Variants in ARID1B observed in about 807,000 individuals in gnomAD.
ARID1B encodes the protein AT-rich interactive domain-containing protein 1B.
A neutral mutation model predicts 212.3 loss-of-function variants in ARID1B; 30 were observed. The observed-to-expected ratio is 0.14, with a 90% CI of 0.11 to 0.19. ARID1B has a LOEUF of 0.19. ARID1B is among the 10% of genes least tolerant of loss of function. The pLI is 1.00. For missense variants in ARID1B, 2,891 were observed against 3,204.0 expected (o/e 0.90, Z 2.36); for synonymous variants, 1,402 against 1,301.7 (o/e 1.08, Z -1.66).
chr6:157,052,536 A>G (rs2128381411), intron 4 of ARID1B, among the ~76,000 whole-genome samples: 1 of 152,200 alleles, frequency 6.6e-6, no homozygotes, highest in Admixed American at 6.5e-5. Context: ...TCCAAAGTGG[A>G]CTCTTGTAGC....
chr6:156,779,859 C>G (rs952885795), intron 1 of ARID1B: 1 of 154,374 alleles, frequency 6.5e-6, no homozygotes, highest in African/African-American at 2.4e-5. Context: ...GCCAGGACGG[C>G]TGGGGCGAAG....
intron 4 of ARID1B, among the ~76,000 whole-genome samples, chr6:157,027,822 CT>C (rs1197141500): frequency 6.6e-6 from 1 of 152,138 alleles, no homozygotes; most frequent in Admixed American, 6.5e-5. Context: ...TTTCAGCTTC[CT>C]TTTCTAACTT....
intron 3 of ARID1B, among the ~76,000 whole-genome samples, chr6:156,928,117 G>A (rs1791384213): frequency 6.6e-6 from 1 of 152,194 alleles, no homozygotes; most frequent in Non-Finnish European, 1.5e-5. Flanking sequence ...GTGAAGTACG[G>A]TTTTGCCCCA....
intron 4 of ARID1B, among the ~76,000 whole-genome samples, chr6:157,045,562 G>A (rs534755343): frequency 6.6e-6 from 1 of 152,188 alleles, no homozygotes; most frequent in East Asian, 1.9e-4. Context: ...CACCCTTAGC[G>A]GGATGTGTTT....
intron 4 of ARID1B, among the ~76,000 whole-genome samples, chr6:157,062,401 T>G (rs1783399008): frequency 6.6e-6 from 1 of 152,142 alleles, no homozygotes; most frequent in African/African-American, 2.4e-5. Context: ...TCTCACTGCA[T>G]TGCCCAGGCT....
chr6:156,977,186 G>A (rs73020054), intron 4 of ARID1B: 6,743 of 190,064 alleles, frequency 0.035, 197 homozygotes, highest in Non-Finnish European at 0.049. Flanking sequence ...TCTTTTGGTT[G>A]TGTTTTATTG....
At chr6:157,033,720 A>G (rs1418163030) in intron 4 of ARID1B, among the ~76,000 whole-genome samples, 2 of 152,212 alleles carry the variant, frequency 1.3e-5, no homozygotes, top group African/African-American at 2.4e-5. Context: ...CTGCTGCTGA[A>G]CTTTACAGAC....
At chr6:157,147,797 A>C (rs1417004686) in intron 7 of ARID1B, among the ~76,000 whole-genome samples, 1 of 26,580 alleles carries the variant, frequency 3.8e-5, no homozygotes, top group Non-Finnish European at 7.0e-5. Flanking sequence ...TCCGTCCCTC[A>C]CCTCCGCCTC....
intron 4 of ARID1B, chr6:156,943,812 G>A (rs1052474026): frequency 2.0e-5 from 3 of 151,950 alleles, no homozygotes; most frequent in African/African-American, 7.3e-5. Flanking sequence ...ATTTACCATC[G>A]GGTCATTGTA....
At chr6:156,953,820 T>G (rs1793764218) in intron 4 of ARID1B, among the ~76,000 whole-genome samples, 1 of 152,220 alleles carries the variant, frequency 6.6e-6, no homozygotes, top group Non-Finnish European at 1.5e-5. Context: ...AGATTGGTAT[T>G]TAGCGTTTAA....
At chr6:157,053,554 A>C (rs573662809) in intron 4 of ARID1B, among the ~76,000 whole-genome samples, 4 of 152,206 alleles carry the variant, frequency 2.6e-5, no homozygotes, top group Non-Finnish European at 5.9e-5. Context: ...GCTTCCTACT[A>C]GGCAATTATT....
At chr6:157,006,223 C>G (rs1381442020) in intron 4 of ARID1B, among the ~76,000 whole-genome samples, 1 of 152,174 alleles carries the variant, frequency 6.6e-6, no homozygotes, top group East Asian at 1.9e-4. Flanking sequence ...TGGGCAGTTT[C>G]ACACAATCTG....
At chr6:156,969,932 C>A (rs1776806829) in intron 4 of ARID1B, among the ~76,000 whole-genome samples, 1 of 141,502 alleles carries the variant, frequency 7.1e-6, no homozygotes. Flanking sequence ...ATCAGGTAAA[C>A]CAGCACTAGA....
intron 4 of ARID1B, among the ~76,000 whole-genome samples, chr6:157,052,086 C>T (rs372559997): frequency 3.3e-5 from 5 of 152,108 alleles, no homozygotes; most frequent in African/African-American, 4.8e-5. Flanking sequence ...CTTCCAGGTA[C>T]GTCGTATTTT....
intron 2 of ARID1B, among the ~76,000 whole-genome samples, chr6:156,892,834 A>G (rs930805724): frequency 5.2e-4 from 79 of 152,302 alleles, no homozygotes; most frequent in African/African-American, 1.8e-3. Flanking sequence ...TTCTTGATGG[A>G]TGTGTAAATA....
Position 157,084,854 on chromosome 6 carries a change from G to A in ARID1B, c.2440G>A (p.Val814Ile), listed in dbSNP as rs765365713. The change falls in exon 5 of 20, where the codon GTA (valine) becomes ATA (isoleucine). Residue 814 changes from valine to isoleucine, a missense_variant. Physicochemically the swap from Val to Ile is conservative, Grantham distance 29 (BLOSUM62 3). This residue lies in a region of ARID1B where 1,643 missense variants were observed against 1,544.0 expected (regional missense o/e 1.06). Transcript: ENST00000636930. ...GPSPSPVGSP[V>I]GSNQSRSGPI... is the part of the protein sequence containing the mutation. ...ATCTCCCTCTCCTGTTGGCTCTCCTGTAGGAAGCAACCAGTCTCGATCTGG... is the reference window on the plus strand; with the variant it reads ...ATCTCCCTCTCCTGTTGGCTCTCCTATAGGAAGCAACCAGTCTCGATCTGG... The A allele has an allele frequency of 6.8e-6, 11 of 1,614,116 alleles. No individual in the cohort carries two copies. The highest frequency in any genetic ancestry group is 9.3e-6 in the Non-Finnish European group (11 of 1,180,000).
intron 4 of ARID1B, among the ~76,000 whole-genome samples, chr6:157,049,358 G>T (rs1255059664): frequency 6.6e-6 from 1 of 152,094 alleles, no homozygotes; most frequent in South Asian, 2.1e-4. Context: ...CTTGCAGTAG[G>T]TGTGGCCTTA....
At chr6:156,871,620 G>A in intron 2 of ARID1B, 1 of 1,612,424 alleles carries the variant, frequency 6.2e-7, no homozygotes. Flanking sequence ...TTAGGACTCT[G>A]GAGATGCCAC....
intron 3 of ARID1B, among the ~76,000 whole-genome samples, chr6:156,933,284 G>A (rs534542949): frequency 6.6e-6 from 1 of 152,248 alleles, no homozygotes; most frequent in East Asian, 1.9e-4. Context: ...GTGTGCACGT[G>A]TGTTGGAGGA....
Sources: gnomAD v4.1 joint callset for allele counts (sites outside exome capture counted in the v4.1 genomes callset) on GRCh38, gnomAD v4.1.1 for gene constraint, gnomAD v4.1.1 regional missense constraint, MANE v1.5 for transcripts, NCBI Gene and HGNC (gene_info 2026-07-23, HGNC 2026-07-21) for gene names.